Variants in GTF2A1L observed in about 807,000 individuals in gnomAD.
GTF2A1L encodes the protein TFIIA-alpha and beta-like factor.
GTF2A1L carries 48 observed loss-of-function variants against 49.7 expected under a neutral mutation model. The ratio of observed to expected loss-of-function variants is 0.97; its 90% CI spans 0.77 to 1.23. The LOEUF is 1.23. GTF2A1L is among the 50% of genes most tolerant of loss of function. The pLI is 0.00. For missense variants in GTF2A1L, 736 were observed against 564.8 expected, an observed-to-expected ratio of 1.30 and a Z score of -3.07; for synonymous variants, 246 against 193.5, an observed-to-expected ratio of 1.27 and a Z score of -2.25.
intron 6 of GTF2A1L, among the ~76,000 whole-genome samples, chr2:48,652,547 G>A (rs779932794): frequency 9.9e-5 from 15 of 151,266 alleles, no homozygotes; most frequent in Non-Finnish European, 1.6e-4. Context: ...CCTGGGAGGC[G>A]GAGGTTGCAG....
chr2:48,645,223 C>A, intron 5 of GTF2A1L, 106 bp downstream of exon 5: 1 of 1,031,254 alleles, frequency 9.7e-7, no homozygotes, highest in Non-Finnish European at 1.4e-6. Flanking sequence ...GTTATAAGAA[C>A]TTTTAATAAA....
intron 4 of GTF2A1L, among the ~76,000 whole-genome samples, chr2:48,642,862 A>G (rs1310988561): frequency 3.6e-5 from 1 of 27,868 alleles, no homozygotes; most frequent in Non-Finnish European, 7.9e-5. Flanking sequence ...GTCTCAAAGA[A>G]AAAAAAAAAA....
chr2:48,646,389 G>A, intron 5 of GTF2A1L, 64 bp from the exon 6 acceptor site: 1 of 997,732 alleles, frequency 1.0e-6, no homozygotes, highest in Non-Finnish European at 1.3e-6. Context: ...TTTTTTTTTT[G>A]TGGTGGTTGT....
chr2:48,624,161 C>T (rs1488655846), intron 3 of GTF2A1L, among the ~76,000 whole-genome samples: 4 of 120,230 alleles, frequency 3.3e-5, no homozygotes, highest in African/African-American at 5.4e-5. Flanking sequence ...CCCCTTTAAG[C>T]TCATAAAAAT....
intron 6 of GTF2A1L, among the ~76,000 whole-genome samples, chr2:48,660,619 C>A (rs1678436730): frequency 6.6e-6 from 1 of 151,612 alleles, no homozygotes; most frequent in East Asian, 1.9e-4. Context: ...TTAATGATGT[C>A]CCCTCTTTTA....
chr2:48,631,434 A>G (rs1676566228), intron 3 of GTF2A1L, among the ~76,000 whole-genome samples: 1 of 152,052 alleles, frequency 6.6e-6, no homozygotes, highest in Admixed American at 6.6e-5. Flanking sequence ...ATAGTATCTG[A>G]GGATCTTTTG....
At chr2:48,668,918 G>A (rs1679019125) in intron 6 of GTF2A1L, among the ~76,000 whole-genome samples, 1 of 152,142 alleles carries the variant, frequency 6.6e-6, no homozygotes, top group Non-Finnish European at 1.5e-5. Flanking sequence ...GGGTTTATTT[G>A]TTAGCTGTGC....
At chr2:48,665,778 T>C (rs1001172933) in intron 6 of GTF2A1L, among the ~76,000 whole-genome samples, 12 of 152,150 alleles carry the variant, frequency 7.9e-5, no homozygotes, top group African/African-American at 2.9e-4. Context: ...GCTATTTGGC[T>C]ATTTTTGGGT....
intron 6 of GTF2A1L, among the ~76,000 whole-genome samples, chr2:48,649,107 C>T (rs918884422): frequency 6.6e-6 from 1 of 152,090 alleles, no homozygotes; most frequent in African/African-American, 2.4e-5. Context: ...TTTAATTCTG[C>T]CCCTTGTAAT....
intron 1 of GTF2A1L, among the ~76,000 whole-genome samples, chr2:48,620,562 G>A (rs909304059): frequency 2.0e-5 from 3 of 152,048 alleles, no homozygotes; most frequent in Admixed American, 1.3e-4. Flanking sequence ...GGTGGATCAC[G>A]AGGCCAGGAG....
rs1677418598 is a variant in GTF2A1L at position 48,645,029 on chromosome 2, C to G, written c.304-4C>G. 1.9e-6 allele frequency: 3 copies of G among 1,606,220 alleles called. No individual in the cohort carries two copies. In the African/African-American group the frequency reaches 4.0e-5, roughly 22 times the overall value. On this transcript the variant is annotated splice_polypyrimidine_tract_variant and splice_region_variant and intron_variant, in intron 4 of 8. Coordinates refer to ENST00000403751, the MANE Select transcript of GTF2A1L (RefSeq NM_006872.5). ...ACTTTCTAATATAAATTTCTTATAT[C>G]TAGGGCACTTCAAACTCCAGTGCAA...
intron 3 of GTF2A1L, among the ~76,000 whole-genome samples, chr2:48,631,708 G>A (rs1439685381): frequency 6.6e-6 from 1 of 151,900 alleles, no homozygotes; most frequent in Admixed American, 6.6e-5. Context: ...CTGGCTCTAG[G>A]GTTAGTTCTT....
chr2:48,622,213 T>C (rs1190876472), intron 3 of GTF2A1L, among the ~76,000 whole-genome samples: 1 of 152,234 alleles, frequency 6.6e-6, no homozygotes, highest in Non-Finnish European at 1.5e-5. Flanking sequence ...TGGGAGAATT[T>C]ACATGTGGCA....
In GTF2A1L at chr2:48,642,090, A is replaced by G. The variant is rs1677228180; in HGVS notation, c.248-312A>G. ...ACGGAAATGTGCCACTTTAATAAAT[A>G]TTTAATAAATATTACTTGACTTAAT... On this transcript the variant is annotated intron_variant, in intron 3 of 8. Transcript: ENST00000403751. 3.3e-5 allele frequency among the ~76,000 whole-genome samples: 5 copies of G among 152,206 alleles called. No individual in the cohort carries two copies. The South Asian group carries it at 1.0e-3, about 32-fold the overall frequency.
At chr2:48,621,876 T>C (rs1676018602) in intron 3 of GTF2A1L, among the ~76,000 whole-genome samples, 1 of 152,242 alleles carries the variant, frequency 6.6e-6, no homozygotes, top group Non-Finnish European at 1.5e-5. Flanking sequence ...CGTATCAATT[T>C]AAACTGGAAG....
intron 3 of GTF2A1L, among the ~76,000 whole-genome samples, chr2:48,623,926 C>T (rs1478463571): frequency 6.6e-6 from 1 of 152,094 alleles, no homozygotes. Flanking sequence ...GAGAAGGGGG[C>T]AAGGGTTGAA....
At chr2:48,675,931 T>C (rs1210948041) in intron 8 of GTF2A1L, among the ~76,000 whole-genome samples, 1 of 151,836 alleles carries the variant, frequency 6.6e-6, no homozygotes, top group Non-Finnish European at 1.5e-5. Flanking sequence ...GAATAGATAG[T>C]GCATACACAT....
At chr2:48,657,677 G>C (rs1433089540) in intron 6 of GTF2A1L, among the ~76,000 whole-genome samples, 1 of 151,932 alleles carries the variant, frequency 6.6e-6, no homozygotes, top group African/African-American at 2.4e-5. Flanking sequence ...TCTCCAAACT[G>C]CTTTCCACAG....
chr2:48,618,349 A>G (rs557921219), intron 1 of GTF2A1L, among the ~76,000 whole-genome samples: 26 of 152,236 alleles, frequency 1.7e-4, no homozygotes, highest in African/African-American at 6.0e-4. Flanking sequence ...CTACCCGCCC[A>G]TTTCGTTGTC....
Sources: allele counts gnomAD v4.1 joint callset (sites outside exome capture counted in the v4.1 genomes callset), GRCh38; gene constraint gnomAD v4.1.1; transcripts MANE v1.5; gene names NCBI Gene and HGNC (gene_info 2026-07-23, HGNC 2026-07-21).